SLC2A12: variants seen among roughly 807,000 people sequenced by gnomAD.
SLC2A12 encodes solute carrier family 2, facilitated glucose transporter member 12.
SLC2A12 carries 23 observed loss-of-function variants against 41.8 expected under a neutral mutation model. The observed-to-expected ratio is 0.55, with a 90% CI of 0.40 to 0.78. The LOEUF (loss-of-function observed/expected upper bound fraction) is 0.78. Ranked by LOEUF, SLC2A12 falls within the 30% of genes least tolerant of loss-of-function variation. The probability of loss-of-function intolerance (pLI) is 0.00; values close to 1 mark genes in which losing one functional copy is unlikely to be tolerated. For missense variants in SLC2A12, 654 were observed against 745.6 expected, an observed-to-expected ratio of 0.88 and a Z score of 1.43; for synonymous variants, 295 against 285.9, an observed-to-expected ratio of 1.03 and a Z score of -0.32.
At chr6:134,043,195 T>C (rs752601201) in intron 1 of SLC2A12, among the ~76,000 whole-genome samples, 23 of 151,826 alleles carry the variant, frequency 1.5e-4, no homozygotes, top group Non-Finnish European at 2.4e-4. Context: ...TAAGAATGGA[T>C]TGGAGCAGGG....
intron 1 of SLC2A12, among the ~76,000 whole-genome samples, chr6:134,048,455 G>A (rs6941761): frequency 0.011 from 1,683 of 152,200 alleles, 39 homozygotes; most frequent in African/African-American, 0.035. Context: ...AAATTAGCCA[G>A]CTGCTCAGGA....
intron 2 of SLC2A12, among the ~76,000 whole-genome samples, chr6:134,012,135 T>C (rs9373076): frequency 0.18 from 27,489 of 152,170 alleles, 2,597 homozygotes; most frequent in East Asian, 0.31. Context: ...CTTGTTCTTT[T>C]TTGTATTCTC....
intron 4 of SLC2A12, among the ~76,000 whole-genome samples, chr6:133,993,565 G>A (rs911823190): frequency 2.0e-5 from 3 of 152,230 alleles, no homozygotes; most frequent in African/African-American, 7.2e-5. Context: ...GGAAACAACA[G>A]TGAACAAAAT....
At chr6:134,046,125 T>G (rs1777451864) in intron 1 of SLC2A12, among the ~76,000 whole-genome samples, 1 of 152,202 alleles carries the variant, frequency 6.6e-6, no homozygotes, top group Admixed American at 6.5e-5. Context: ...CTGTCATGGT[T>G]TTTTAATTAG....
chr6:133,990,891 T>A lies in SLC2A12; in HGVS notation c.*264A>T. The A allele has an allele frequency of 2.9e-6, 1 of 346,216 alleles. No homozygotes were observed. The highest frequency in any genetic ancestry group is 5.2e-6 in the Non-Finnish European group (1 of 192,886). The allele number at this position is 346,216 out of a possible 1,614,324, so 21.4% of individuals were successfully genotyped here. ...TGCTCTGTGAAGAAGGTAGAAAGTATTAAACCAGCCAGTAACTTTTTTTTT... is the reference window on the plus strand; with the variant it reads ...TGCTCTGTGAAGAAGGTAGAAAGTAATAAACCAGCCAGTAACTTTTTTTTT... On this transcript the variant is annotated 3_prime_UTR_variant, in exon 5 of 5. Transcript: ENST00000275230.
At chr6:134,030,801 A>G (rs894204699) in intron 1 of SLC2A12, among the ~76,000 whole-genome samples, 1 of 152,220 alleles carries the variant, frequency 6.6e-6, no homozygotes, top group Non-Finnish European at 1.5e-5. Flanking sequence ...GGGCACTTCA[A>G]GTAGGGCCTT....
chr6:134,032,466 T>TATA (rs1562201745), intron 1 of SLC2A12, among the ~76,000 whole-genome samples: 2 of 33,202 alleles, frequency 6.0e-5, no homozygotes, highest in African/African-American at 3.1e-4. Context: ...ATATATATAT[T>TATA]TTTATATATA....
At chr6:134,042,353 TG>T (rs1562204879) in intron 1 of SLC2A12, among the ~76,000 whole-genome samples, 1 of 152,076 alleles carries the variant, frequency 6.6e-6, no homozygotes, top group Non-Finnish European at 1.5e-5. Context: ...AATACCTGAA[TG>T]GCCACCTGAA....
At chr6:134,018,744 G>C (rs1777001073) in intron 2 of SLC2A12, among the ~76,000 whole-genome samples, 1 of 142,544 alleles carries the variant, frequency 7.0e-6, no homozygotes, top group South Asian at 2.4e-4. Flanking sequence ...CTGTATCATA[G>C]GTGTGTTCAT....
Position 134,029,002 on chromosome 6 carries a change from T to C in SLC2A12, c.823A>G (p.Met275Val), listed in dbSNP as rs774632156. Reference sequence around the variant, plus strand: ...AGTCCTATCATTATTCGGGTCCGCATGTTGTCTTTTGAACGAAACAGATCC... The same window carrying C: ...AGTCCTATCATTATTCGGGTCCGCACGTTGTCTTTTGAACGAAACAGATCC... ...FWDLFRSKDN[M>V]RTRIMIGLTL... is the part of the protein sequence containing the mutation. The change falls in exon 2 of 5, where the codon ATG (methionine) becomes GTG (valine). Residue 275 changes from methionine to valine, a missense_variant. Around this residue, in one of 3 missense-constraint regions of SLC2A12, gnomAD observed 411 missense variants for 412.1 expected, o/e 1.00. Coordinates refer to ENST00000275230, the MANE Select transcript of SLC2A12 (RefSeq NM_145176.3). 1 of 1,614,232 alleles carries C rather than the reference T, an allele frequency of 6.2e-7. No individual in the cohort carries two copies. The highest frequency in any genetic ancestry group is 1.1e-5 in the South Asian group (1 of 91,080).
At chr6:134,018,914 CTTCCTCA>C (rs902623803) in intron 2 of SLC2A12, among the ~76,000 whole-genome samples, 8 of 152,294 alleles carry the variant, frequency 5.3e-5, no homozygotes, top group African/African-American at 1.9e-4. Context: ...ATCTTCTCCT[CTTCCTCA>C]CTCCAAGATG....
intron 3 of SLC2A12, among the ~76,000 whole-genome samples, chr6:134,003,098 G>C (rs1221825087): frequency 6.6e-6 from 1 of 152,214 alleles, no homozygotes; most frequent in Admixed American, 6.5e-5. Context: ...GGTCAGGCAG[G>C]AAAACTGACT....
intron 4 of SLC2A12, among the ~76,000 whole-genome samples, chr6:133,995,676 G>T (rs970355385): frequency 6.6e-6 from 1 of 152,198 alleles, no homozygotes; most frequent in African/African-American, 2.4e-5. Flanking sequence ...CCTTCAGCTG[G>T]ATGGCTGCAG....
At chr6:134,038,691 CTTT>C (rs1233379642) in intron 1 of SLC2A12, among the ~76,000 whole-genome samples, 2 of 129,020 alleles carry the variant, frequency 1.6e-5, no homozygotes, top group African/African-American at 6.4e-5. Context: ...TCCTTTCTTC[CTTT>C]CTTTCCTTTT....
intron 1 of SLC2A12, among the ~76,000 whole-genome samples, chr6:134,038,911 G>A (rs1186537911): frequency 2.0e-5 from 3 of 151,164 alleles, no homozygotes; most frequent in Non-Finnish European, 4.4e-5. Flanking sequence ...CACCATGTTG[G>A]CCAGGCTGGT....
At chr6:134,030,479 G>T (rs754026331) in intron 1 of SLC2A12, among the ~76,000 whole-genome samples, 2 of 152,132 alleles carry the variant, frequency 1.3e-5, no homozygotes, top group African/African-American at 2.4e-5. Flanking sequence ...CCTTTATATT[G>T]TTCTTTCGTT....
intron 2 of SLC2A12, among the ~76,000 whole-genome samples, chr6:134,025,637 C>G (rs1582614344): frequency 6.6e-6 from 1 of 152,272 alleles, no homozygotes; most frequent in South Asian, 2.1e-4. Context: ...CCTCTGCCTC[C>G]CAGGTTCAAG....
intron 1 of SLC2A12, among the ~76,000 whole-genome samples, chr6:134,052,131 A>G (rs573732533): frequency 6.4e-4 from 97 of 152,264 alleles, no homozygotes; most frequent in South Asian, 2.5e-3. Flanking sequence ...TTCTTGGCAC[A>G]TAAGGTTCCA....
intron 2 of SLC2A12, among the ~76,000 whole-genome samples, chr6:134,019,940 G>A (rs867945347): frequency 6.6e-6 from 1 of 151,172 alleles, no homozygotes; most frequent in Non-Finnish European, 1.5e-5. Flanking sequence ...CAGGAGAATC[G>A]CTTGGACTCA....
Sources: allele counts gnomAD v4.1 joint callset (sites outside exome capture counted in the v4.1 genomes callset), GRCh38; gene constraint gnomAD v4.1.1; regional missense constraint gnomAD v4.1.1; transcripts MANE v1.5; gene names NCBI Gene and HGNC (gene_info 2026-07-23, HGNC 2026-07-21).